Variants in EVI5L observed in about 807,000 individuals in gnomAD.
EVI5L encodes ecotropic viral integration site 5 like.
EVI5L carries 30 observed loss-of-function variants against 106.1 expected under a neutral mutation model. The observed-to-expected ratio is 0.28, with a 90% confidence interval of 0.21 to 0.38. EVI5L has a LOEUF of 0.38. Ranked by LOEUF, EVI5L falls within the 10% of genes least tolerant of loss-of-function variation. The probability of loss-of-function intolerance (pLI) is 1.00; values close to 1 mark genes in which losing one functional copy is unlikely to be tolerated. For synonymous variants in EVI5L, 489 were observed against 483.3 expected (o/e 1.01, Z -0.15); for missense variants, 809 against 1,098.0 (o/e 0.74, Z 3.72).
intron 1 of EVI5L, among the ~76,000 whole-genome samples, chr19:7,842,210 ATG>A (rs765657209): frequency 0.021 from 990 of 47,648 alleles, 10 homozygotes; most frequent in African/African-American, 0.048. Flanking sequence ...GTGCATGTAT[ATG>A]TGTGTGTGTG....
intron 4 of EVI5L, 31 bp downstream of exon 4, chr19:7,849,176 C>T: frequency 6.2e-7 from 1 of 1,612,376 alleles, no homozygotes; most frequent in Non-Finnish European, 8.5e-7. Context: ...CTCCCTCGGT[C>T]CCAAAGGAAG....
chr19:7,845,487 G>T lies in EVI5L; in HGVS notation c.-47-1009G>T, dbSNP rs1263910352. Among the ~76,000 whole-genome samples the T allele has an allele frequency of 6.6e-6, 1 of 152,198 alleles. No homozygotes were observed. The highest frequency in any genetic ancestry group is 2.4e-5 in the African/African-American group (1 of 41,442). On this transcript the variant is annotated intron_variant, in intron 1 of 19. Transcript: ENST00000538904. The surrounding 1 kb of genome is among the most constrained non-coding windows in gnomAD (Gnocchi z 4.0). ...GATGTCCGTGGGGCCATCACTGAGT[G>T]TCAGGCTCTGTTCTGACCAGGTTAT...
intron 1 of EVI5L, among the ~76,000 whole-genome samples, chr19:7,838,777 A>T (rs1285798599): frequency 6.6e-6 from 1 of 151,816 alleles, no homozygotes; most frequent in African/African-American, 2.4e-5. Context: ...GTTTTCAGGG[A>T]GAGAGAGGGG....
Position 7,837,513 on chromosome 19 carries a change from T to C in EVI5L, c.-48+7132T>C, listed in dbSNP as rs192852659. On this transcript the variant is annotated intron_variant, in intron 1 of 19. Coordinates refer to ENST00000538904, the MANE Select transcript of EVI5L (RefSeq NM_001159944.3). ...TTAATGGGCCAGTATTGATATATTA[T>C]TATTAACTAAAGTCCACCTTTCATT... Among the ~76,000 whole-genome samples, 11 of 152,260 alleles carry C rather than the reference T, an allele frequency of 7.2e-5. No homozygotes were observed. The East Asian group carries it at 1.9e-3, about 27-fold the overall frequency.
In EVI5L at chr19:7,858,947, T is replaced by A. The variant is rs551738402; in HGVS notation, c.1374+616T>A. The A allele has an allele frequency of 6.6e-6, 1 of 152,304 alleles. No homozygotes were observed. Among genetic ancestry groups the A allele is most frequent in the South Asian group, 2.1e-4 (1 of 4,818 alleles). 9.4% of individuals were successfully genotyped at this position (152,304 alleles called of 1,614,324 possible). On this transcript the variant is annotated intron_variant, in intron 13 of 19. Transcript: ENST00000538904. The surrounding 1 kb of genome is among the most constrained non-coding windows in gnomAD (Gnocchi z 5.7). ...TGGCTCACGCCTTAATCTCAGCACT[T>A]TGGGAGGCTGAGGCAGGTGGATCAC...
Position 7,848,931 on chromosome 19 carries a change from G to A in EVI5L, c.338G>A (p.Arg113His), listed in dbSNP as rs775399130. 2.2e-5 allele frequency: 36 copies of A among 1,609,358 alleles called. No homozygotes were observed. Among genetic ancestry groups the A allele is most frequent in the East Asian group, 1.3e-4 (6 of 44,740 alleles). ...RKEKLLKELI[R>H]KGIPHHFRAI... Reference sequence around the variant, plus strand: ...CGCTCCCGTGGCCAGGAGCTGATCCGCAAGGGCATCCCCCACCACTTCCGG... The same window carrying A: ...CGCTCCCGTGGCCAGGAGCTGATCCACAAGGGCATCCCCCACCACTTCCGG... Residue 113 changes from arginine (R) to histidine (H), a missense_variant, in exon 4 of 20, where the codon CGC becomes CAC. Physicochemically the swap from Arg to His is conservative, Grantham distance 29. Transcript: ENST00000538904. The surrounding 1 kb of genome is among the most constrained non-coding windows in gnomAD (Gnocchi z 4.8).
chr19:7,857,917 A>ACTT lies in EVI5L; in HGVS notation c.1234-272_1234-271insTCT, dbSNP rs1331478759. On this transcript the variant is annotated intron_variant, in intron 12 of 19. Transcript: ENST00000538904. The surrounding 1 kb of genome is among the most constrained non-coding windows in gnomAD (Gnocchi z 4.5). ...GATAAGGATCCCAACTGGGGCAGAG[A>ACTT]CTGAGAGCCAGAGTGGGGAAGGAGA... The ACTT allele has an allele frequency of 2.2e-6, 1 of 448,114 alleles. No homozygotes were observed. Among genetic ancestry groups the ACTT allele is most frequent in the Non-Finnish European group, 4.0e-6 (1 of 247,000 alleles). 27.8% of individuals were successfully genotyped at this position (448,114 alleles called of 1,614,324 possible).
Position 7,864,517 on chromosome 19 carries a change from C to T in EVI5L, c.*815C>T, listed in dbSNP as rs548981688. On this transcript the variant is annotated 3_prime_UTR_variant, in exon 20 of 20. Transcript: ENST00000538904. The surrounding 1 kb of genome is among the most constrained non-coding windows in gnomAD (Gnocchi z 4.5). Reference sequence around the variant, plus strand: ...CCTCGGTCTCCATCTACTTCCCTTTCTTCATGTGTTTCCAGCCCCACCCTC... The same window carrying T: ...CCTCGGTCTCCATCTACTTCCCTTTTTTCATGTGTTTCCAGCCCCACCCTC... The T allele has an allele frequency of 6.6e-6, 1 of 152,666 alleles. No homozygotes were observed. The highest frequency in any genetic ancestry group is 1.5e-5 in the Non-Finnish European group (1 of 68,196). The allele number at this position is 152,666 out of a possible 1,614,324, so 9.5% of individuals were successfully genotyped here.
chr19:7,830,873 A>C (rs1599555879), intron 1 of EVI5L, among the ~76,000 whole-genome samples: 1 of 51,858 alleles, frequency 1.9e-5, no homozygotes, highest in South Asian at 6.4e-4. Context: ...TCTTGGGCCC[A>C]GAACTGCCCC....
At chr19:7,849,211 G>A in intron 4 of EVI5L, 45 bp from the exon 5 acceptor site, 2 of 1,613,776 alleles carry the variant, frequency 1.2e-6, no homozygotes, top group East Asian at 2.2e-5. Flanking sequence ...TTCACCGGCT[G>A]TGCTGGACGG....
At position 7,857,041 on chromosome 19, in the gene EVI5L, C is replaced by T; in HGVS notation, c.1201-51C>T. The T allele has an allele frequency of 3.2e-6, 5 of 1,550,656 alleles. No homozygotes were observed. In the South Asian group the frequency reaches 5.9e-5, roughly 18 times the overall value. ...TGTCTCCCCTCTCCTGTCCCCGCGC[C>T]TTCCGCTCTGCCTCCTCCCCCTGTC... On this transcript the variant is annotated intron_variant, in intron 11 of 19. Coordinates refer to ENST00000538904, the MANE Select transcript of EVI5L (RefSeq NM_001159944.3). This position sits in a 1 kb window ranked among gnomAD's most constrained non-coding sequence, Gnocchi z 4.5.
intron 1 of EVI5L, among the ~76,000 whole-genome samples, chr19:7,842,937 G>A (rs974507056): frequency 4.0e-5 from 6 of 150,354 alleles, no homozygotes; most frequent in East Asian, 2.0e-4. Context: ...CCGGGTGTGC[G>A]TGTATCCGAA....
At chr19:7,853,220 A>T in intron 9 of EVI5L, 37 bp downstream of exon 9, 1 of 1,613,920 alleles carries the variant, frequency 6.2e-7, no homozygotes, top group Non-Finnish European at 8.5e-7. Flanking sequence ...ACTGGTAAGA[A>T]GGGGGGACCC....
At chr19:7,862,776 G>C (rs1599581813) in intron 17 of EVI5L, among the ~76,000 whole-genome samples, 196 bp from the exon 18 acceptor site, 1 of 44,000 alleles carries the variant, frequency 2.3e-5, no homozygotes. Context: ...ATCCGCCCCC[G>C]CCCGCGGCCA....
In EVI5L at chr19:7,863,975, G is replaced by C. The variant is rs2146443370; in HGVS notation, c.*273G>C. 3 of 437,536 alleles carry C rather than the reference G, an allele frequency of 6.9e-6. No individual in the cohort carries two copies. In the South Asian group the frequency reaches 1.4e-4, roughly 21 times the overall value. 27.1% of individuals were successfully genotyped at this position (437,536 alleles called of 1,614,324 possible). On this transcript the variant is annotated 3_prime_UTR_variant, in exon 20 of 20. Transcript: ENST00000538904. The surrounding 1 kb of genome is among the most constrained non-coding windows in gnomAD (Gnocchi z 7.7). ...TGGCGTTCCAGGGGTGCCTGGAGGGGCTGACTGCTCTCTTAACAGGAGGGC... is the reference window on the plus strand; with the variant it reads ...TGGCGTTCCAGGGGTGCCTGGAGGGCCTGACTGCTCTCTTAACAGGAGGGC...
Position 7,848,044 on chromosome 19 carries a change from A to C in EVI5L, c.327+123A>C. ...CCTGGGCACAGCGGCAGCAGTGGAG[A>C]TGTGCAGGCACTTTCAGGGTGTCCT... On this transcript the variant is annotated intron_variant, in intron 3 of 19. Coordinates refer to ENST00000538904, the MANE Select transcript of EVI5L (RefSeq NM_001159944.3). The surrounding 1 kb of genome is among the most constrained non-coding windows in gnomAD (Gnocchi z 4.8). 1.9e-6 allele frequency: 2 copies of C among 1,050,560 alleles called. No individual in the cohort carries two copies. Among genetic ancestry groups the C allele is most frequent in the Non-Finnish European group, 2.7e-6 (2 of 744,550 alleles). The allele number at this position is 1,050,560 out of a possible 1,614,324, so 65.1% of individuals were successfully genotyped here.
Position 7,860,696 on chromosome 19 carries a change from T to C in EVI5L, c.1503+7T>C. The C allele has an allele frequency of 1.9e-6, 3 of 1,576,354 alleles. No individual in the cohort carries two copies. Among genetic ancestry groups the C allele is most frequent in the Non-Finnish European group, 2.6e-6 (3 of 1,161,200 alleles). On this transcript the variant is annotated splice_region_variant and intron_variant, in intron 14 of 19. Transcript: ENST00000538904. ...GGTTCTCGACATGGAAAAGGTGCAA[T>C]GGGGAGGCAGACGGGCAGGTGTCGG...
At chr19:7,831,610 T>C (rs1978293676) in intron 1 of EVI5L, among the ~76,000 whole-genome samples, 1 of 152,258 alleles carries the variant, frequency 6.6e-6, no homozygotes, top group South Asian at 2.1e-4. Context: ...CCTTCCCTGC[T>C]GTGCCCTTTC....
Position 7,860,666 on chromosome 19 carries a change from G to A in EVI5L, c.1480G>A (p.Asp494Asn). 3 of 1,591,480 alleles carry A rather than the reference G, an allele frequency of 1.9e-6. No individual in the cohort carries two copies. Among genetic ancestry groups the A allele is most frequent in the Non-Finnish European group, 2.6e-6 (3 of 1,169,166 alleles). Residue 494 changes from aspartate (D) to asparagine (N), a missense_variant, in exon 14 of 20, where the codon GAC becomes AAC. Physicochemically the swap from Asp to Asn is conservative, Grantham distance 23. Around this residue, in one of 2 missense-constraint regions of EVI5L, gnomAD observed 452 missense variants for 509.9 expected, o/e 0.89. Transcript: ENST00000538904. ...ETLGALREMQ[D>N]KVLDMEKRNS... ...ACTGGGGGCCCTTCGGGAGATGCAG[G>A]ACAAGGTTCTCGACATGGAAAAGGT...
Sources: allele counts gnomAD v4.1 joint callset (sites outside exome capture counted in the v4.1 genomes callset), GRCh38; gene constraint gnomAD v4.1.1; regional missense constraint gnomAD v4.1.1; non-coding constraint Gnocchi (gnomAD v3.1); transcripts MANE v1.5; gene names NCBI Gene and HGNC (gene_info 2026-07-23, HGNC 2026-07-21).